The following PARD3 variants were observed in gnomAD, a reference collection of about 807,000 sequenced individuals.
The protein encoded by PARD3 is partitioning defective 3 homolog.
In PARD3, 75 loss-of-function variants were observed where a neutral mutation model predicts 155.4. The ratio of observed to expected loss-of-function variants is 0.48; its 90% confidence interval spans 0.40 to 0.58. The LOEUF is 0.58. Among genes scored for constraint, PARD3 ranks in the 20% least tolerant of loss-of-function variants. The probability of loss-of-function intolerance (pLI) is 0.00; values close to 1 mark genes in which losing one functional copy is unlikely to be tolerated. For synonymous variants in PARD3, 576 were observed against 610.5 expected, an observed-to-expected ratio of 0.94 and a Z score of 0.83; for missense variants, 1,642 against 1,721.7, an observed-to-expected ratio of 0.95 and a Z score of 0.82.
intron 19 of PARD3, 133 bp downstream of exon 19, chr10:34,330,983 TA>T: frequency 1.5e-6 from 1 of 659,304 alleles, no homozygotes; most frequent in Non-Finnish European, 2.6e-6. Flanking sequence ...TATTATGAAA[TA>T]AGAGATTATT....
chr10:34,753,225 T>C (rs1391964210), intron 1 of PARD3, among the ~76,000 whole-genome samples: 1 of 152,216 alleles, frequency 6.6e-6, no homozygotes, highest in African/African-American at 2.4e-5. Context: ...GATGACACTC[T>C]ATCCCCAAGG....
At chr10:34,122,834 A>G (rs904656471) in intron 23 of PARD3, among the ~76,000 whole-genome samples, 1 of 152,244 alleles carries the variant, frequency 6.6e-6, no homozygotes, top group Non-Finnish European at 1.5e-5. Flanking sequence ...TTACAATGGC[A>G]ATCTGGAATT....
chr10:34,609,371 G>A (rs1273896290), intron 2 of PARD3, among the ~76,000 whole-genome samples: 1 of 152,150 alleles, frequency 6.6e-6, no homozygotes, highest in Non-Finnish European at 1.5e-5. Flanking sequence ...TGTAGGGCAG[G>A]TTTTGTAAAA....
intron 22 of PARD3, among the ~76,000 whole-genome samples, chr10:34,225,812 C>T (rs1952570519): frequency 6.6e-6 from 1 of 152,080 alleles, no homozygotes; most frequent in Admixed American, 6.5e-5. Flanking sequence ...GAAAAATCCT[C>T]ATGGTTCTGG....
At position 34,605,055 on chromosome 10, in the gene PARD3, T is replaced by C. The variant is rs2477014; in HGVS notation, c.223-87896A>G. Among the ~76,000 whole-genome samples, 665 of 152,208 alleles carry C rather than the reference T, an allele frequency of 4.4e-3. 5 individuals are homozygous for C. The highest frequency in any genetic ancestry group is 0.015 in the African/African-American group (614 of 41,536). On this transcript the variant is annotated intron_variant, in intron 2 of 24. Transcript: ENST00000374788. ...GTTTCTCTTCTGGTGATTATTATTA[T>C]ATGTTTCCTGCTCTAATTATTAATG...
intron 2 of PARD3, among the ~76,000 whole-genome samples, chr10:34,592,523 C>G (rs550586793): frequency 6.6e-6 from 1 of 152,336 alleles, no homozygotes; most frequent in African/African-American, 2.4e-5. Context: ...CACCTCTAAT[C>G]CCAGCACTGT....
chr10:34,494,965 G>C (rs771102760), intron 3 of PARD3, among the ~76,000 whole-genome samples: 3 of 152,082 alleles, frequency 2.0e-5, no homozygotes, highest in Non-Finnish European at 4.4e-5. Flanking sequence ...CTCATGCTCA[G>C]ACATTCCACA....
intron 22 of PARD3, among the ~76,000 whole-genome samples, chr10:34,228,127 G>A (rs1564500115): frequency 2.0e-5 from 3 of 151,770 alleles, no homozygotes; most frequent in Admixed American, 6.6e-5. Context: ...CACAGATGGA[G>A]CTGCCATTAT....
intron 2 of PARD3, among the ~76,000 whole-genome samples, chr10:34,590,632 T>C (rs182816170): frequency 6.6e-6 from 1 of 152,300 alleles, no homozygotes; most frequent in East Asian, 1.9e-4. Flanking sequence ...AAAGGTGCCT[T>C]GCCACTCTCT....
At chr10:34,511,232 G>C (rs1360898730) in intron 3 of PARD3, among the ~76,000 whole-genome samples, 1 of 152,174 alleles carries the variant, frequency 6.6e-6, no homozygotes, top group Non-Finnish European at 1.5e-5. Flanking sequence ...TTAGAAGTCT[G>C]ATCAGATTCA....
intron 2 of PARD3, among the ~76,000 whole-genome samples, chr10:34,518,869 A>G (rs2081952464): frequency 6.6e-6 from 1 of 152,210 alleles, no homozygotes; most frequent in South Asian, 2.1e-4. Context: ...TAAAAAGCAA[A>G]ACAGTAATAT....
intron 2 of PARD3, among the ~76,000 whole-genome samples, chr10:34,539,561 T>C (rs2083457478): frequency 6.6e-6 from 1 of 152,022 alleles, no homozygotes. Context: ...TCTGAAGGCT[T>C]AGGCAGGGAG....
At chr10:34,782,907 G>A (rs1840430217) in intron 1 of PARD3, among the ~76,000 whole-genome samples, 1 of 151,906 alleles carries the variant, frequency 6.6e-6, no homozygotes, top group Non-Finnish European at 1.5e-5. Context: ...TGTATTTTTA[G>A]TAGAAACGGG....
At chr10:34,396,344 A>C (rs1843343514) in intron 7 of PARD3, among the ~76,000 whole-genome samples, 1 of 152,154 alleles carries the variant, frequency 6.6e-6, no homozygotes, top group Non-Finnish European at 1.5e-5. Context: ...TCTCAAAAAA[A>C]ACCAAAAAAC....
intron 2 of PARD3, among the ~76,000 whole-genome samples, chr10:34,607,035 T>C (rs578123659): frequency 2.6e-5 from 4 of 151,384 alleles, no homozygotes; most frequent in African/African-American, 9.7e-5. Context: ...CTGTCCAGAT[T>C]TGTAGATAGA....
At chr10:34,341,507 T>C in intron 16 of PARD3, 120 bp downstream of exon 16, 1 of 685,866 alleles carries the variant, frequency 1.5e-6, no homozygotes, top group Non-Finnish European at 2.4e-6. Context: ...GATAAGTATA[T>C]AAAAACCATG....
chr10:34,660,507 ACCTGGGTTTAAGGGAG>A (rs1419362707), intron 2 of PARD3, among the ~76,000 whole-genome samples: 3 of 152,050 alleles, frequency 2.0e-5, no homozygotes, highest in African/African-American at 4.8e-5. Context: ...TGCACTACAC[ACCTGGGTTTAAGGGAG>A]CCTCGGAGGG....
intron 2 of PARD3, among the ~76,000 whole-genome samples, chr10:34,687,459 CA>C (rs2093970602): frequency 6.6e-6 from 1 of 152,184 alleles, no homozygotes; most frequent in Non-Finnish European, 1.5e-5. Flanking sequence ...TAAACATCAA[CA>C]GGCTTAGCAG....
At chr10:34,644,749 G>C (rs1280888398) in intron 2 of PARD3, among the ~76,000 whole-genome samples, 1 of 152,148 alleles carries the variant, frequency 6.6e-6, no homozygotes, top group Non-Finnish European at 1.5e-5. Flanking sequence ...ACACAGGTCT[G>C]CTAGGACAAG....
Sources: gnomAD v4.1 joint callset for allele counts (sites outside exome capture counted in the v4.1 genomes callset) on GRCh38, gnomAD v4.1.1 for gene constraint, MANE v1.5 for transcripts, NCBI Gene and HGNC (gene_info 2026-07-23, HGNC 2026-07-21) for gene names.